Variants in NRP2 observed in about 807,000 individuals in gnomAD.
NRP2 encodes the protein neuropilin-2.
A neutral mutation model predicts 110.4 loss-of-function variants in NRP2; 52 were observed. The observed-to-expected ratio is 0.47, with a 90% CI of 0.38 to 0.59. The LOEUF is 0.59. Among genes scored for constraint, NRP2 ranks in the 20% least tolerant of loss-of-function variants. The pLI, the probability that NRP2 is intolerant of heterozygous loss-of-function variation, is 0.00. For missense variants in NRP2, 1,049 were observed against 1,203.0 expected, an observed-to-expected ratio of 0.87 and a Z score of 1.89; for synonymous variants, 508 against 468.9, an observed-to-expected ratio of 1.08 and a Z score of -1.08.
rs961354909 is a variant in NRP2, at chr2:205,740,678, C to G, written c.1291+15C>G. 3 of 1,613,792 alleles carry G rather than the reference C, an allele frequency of 1.9e-6. No individual in the cohort carries two copies. The highest frequency in any genetic ancestry group is 2.7e-5 in the African/African-American group (2 of 75,042). On this transcript the variant is annotated intron_variant, in intron 8 of 16. Transcript: ENST00000357785. Reference sequence around the variant, plus strand: ...CCGGGTCACAGGTGAGGTGGGGGCTCCAATGAGGTTGGGGTGCTGATTGAG... The same window carrying G: ...CCGGGTCACAGGTGAGGTGGGGGCTGCAATGAGGTTGGGGTGCTGATTGAG...
chr2:205,776,554 C>A, intron 15 of NRP2: 1 of 1,600,884 alleles, frequency 6.2e-7, no homozygotes, highest in Non-Finnish European at 8.5e-7. Context: ...GCACCCAAAA[C>A]AAACGAGAAA....
At chr2:205,699,901 G>A (rs1185828564) in intron 2 of NRP2, among the ~76,000 whole-genome samples, 1 of 152,102 alleles carries the variant, frequency 6.6e-6, no homozygotes, top group Non-Finnish European at 1.5e-5. Context: ...GCTCTGTTGG[G>A]ATTAAGCCTC....
intron 1 of NRP2, among the ~76,000 whole-genome samples, chr2:205,690,579 T>TACACACACACACAC (rs10591632): frequency 4.0e-5 from 5 of 124,184 alleles, no homozygotes; most frequent in African/African-American, 1.2e-4. Flanking sequence ...CTGCTAAAAA[T>TACACACACACACAC]ACACACACAC....
chr2:205,772,013 G>A (rs1383706758), intron 15 of NRP2, among the ~76,000 whole-genome samples: 1 of 152,230 alleles, frequency 6.6e-6, no homozygotes, highest in Non-Finnish European at 1.5e-5. Flanking sequence ...CCTGGTTCTA[G>A]CCGTGACTCT....
chr2:205,705,820 A>C (rs2056663265), intron 2 of NRP2, among the ~76,000 whole-genome samples: 1 of 152,042 alleles, frequency 6.6e-6, no homozygotes, highest in Non-Finnish European at 1.5e-5. Flanking sequence ...TGGAGCTGTC[A>C]TCTGCTGTCC....
intron 2 of NRP2, 66 bp downstream of exon 2, chr2:205,697,787 G>C (rs2105888985): frequency 6.7e-7 from 1 of 1,483,982 alleles, no homozygotes; most frequent in African/African-American, 1.4e-5. Context: ...CCCCACCCCT[G>C]CTCTTGTCAC....
chr2:205,775,882 TA>T (rs2058089124), intron 15 of NRP2, among the ~76,000 whole-genome samples: 1 of 152,176 alleles, frequency 6.6e-6, no homozygotes, highest in African/African-American at 2.4e-5. Flanking sequence ...AACACTTCCA[TA>T]TATTATAAAG....
intron 11 of NRP2, among the ~76,000 whole-genome samples, chr2:205,751,013 G>C (rs983781747): frequency 6.6e-6 from 1 of 152,104 alleles, no homozygotes; most frequent in African/African-American, 2.4e-5. Flanking sequence ...TGTTGGTCGG[G>C]GTTAGTTGAA....
In NRP2 at chr2:205,740,511, C is replaced by A; in HGVS notation, c.1147-8C>A. 6.2e-7 allele frequency: 1 copy of A among 1,614,156 alleles called. No individual in the cohort carries two copies. Among genetic ancestry groups the A allele is most frequent in the Non-Finnish European group, 8.5e-7 (1 of 1,179,994 alleles). On this transcript the variant is annotated splice_region_variant and splice_polypyrimidine_tract_variant and intron_variant, in intron 7 of 16. Transcript: ENST00000357785. ...TTCAATAACATGGTTTTGCATCTTA[C>A]GCTACAGGTATTTCAAGCCAACAAC...
chr2:205,684,294 C>G (rs1216587336), intron 1 of NRP2, among the ~76,000 whole-genome samples: 1 of 152,140 alleles, frequency 6.6e-6, no homozygotes, highest in African/African-American at 2.4e-5. Context: ...CTAGAGTGAG[C>G]CTCCCTACCC....
At chr2:205,704,359 G>A (rs1035859409) in intron 2 of NRP2, among the ~76,000 whole-genome samples, 2 of 152,192 alleles carry the variant, frequency 1.3e-5, no homozygotes, top group South Asian at 2.1e-4. Flanking sequence ...AGGAGAGGCC[G>A]TTGGCTTGAT....
chr2:205,749,732 G>A lies in NRP2; in HGVS notation c.1794G>A (p.Lys598=). 1 of 1,613,974 alleles carries A rather than the reference G, an allele frequency of 6.2e-7. No homozygotes were observed. Among genetic ancestry groups the A allele is most frequent in the Non-Finnish European group, 8.5e-7 (1 of 1,179,850 alleles). Residue 598 remains lysine, a synonymous_variant, in exon 11 of 17, where the codon AAG becomes AAA. Coordinates refer to ENST00000357785, the MANE Select transcript of NRP2 (RefSeq NM_003872.3). ...TCCTTTGCCCTTACACAGACTCCAAGCCCACGGTAGAGACGCTGGGACCCA... is the reference window on the plus strand; with the variant it reads ...TCCTTTGCCCTTACACAGACTCCAAACCCACGGTAGAGACGCTGGGACCCA... ...EVLGCDWTDS[K]PTVETLGPTV...
chr2:205,743,706 C>A lies in NRP2; in HGVS notation c.1641+154C>A, dbSNP rs1559342303. On this transcript the variant is annotated intron_variant, in intron 9 of 16. Transcript: ENST00000357785. ...ATATCGTTTGAGAGATTACTTTGTG[C>A]CAGGCACTGTGCTAAATACCTTATT... 11 of 1,405,784 alleles carry A rather than the reference C, an allele frequency of 7.8e-6. No homozygotes were observed. The South Asian group carries it at 1.3e-4, about 17-fold the overall frequency. 87.1% of individuals were successfully genotyped at this position (1,405,784 alleles called of 1,614,324 possible). A position where few individuals can be genotyped will look rare whatever the true frequency, so the allele number is the denominator to read the frequency against.
At chr2:205,777,385 A>C (rs72941299) in intron 15 of NRP2, 4,623 of 152,696 alleles carry the variant, frequency 0.03, 87 homozygotes, top group Middle Eastern at 0.068. Flanking sequence ...GCCCTAAAGC[A>C]AATCTGTCTC....
intron 2 of NRP2, among the ~76,000 whole-genome samples, chr2:205,706,211 G>C (rs62172961): frequency 6.6e-6 from 1 of 152,018 alleles, no homozygotes; most frequent in Non-Finnish European, 1.5e-5. Context: ...GAGAGAATTC[G>C]CCTGCCTTTA....
chr2:205,734,400 C>CA (rs1477089319), intron 7 of NRP2, among the ~76,000 whole-genome samples: 1 of 86,158 alleles, frequency 1.2e-5, no homozygotes, highest in South Asian at 3.0e-4. Context: ...TTTCCCACCG[C>CA]CCCCCCCCAC....
chr2:205,728,118 C>A lies in NRP2; in HGVS notation c.1146+72C>A, dbSNP rs140725119. ...GGGATGGGATCAGGGGAGCTTTAAG[C>A]CGACCTCCTACAGGAGAGAGGGCCT... On this transcript the variant is annotated intron_variant, in intron 7 of 16. Coordinates refer to ENST00000357785, the MANE Select transcript of NRP2 (RefSeq NM_003872.3). 1.2e-4 allele frequency: 181 copies of A among 1,563,782 alleles called. 1 individual carries two copies. In the East Asian group the frequency reaches 3.6e-3, roughly 31 times the overall value.
intron 15 of NRP2, among the ~76,000 whole-genome samples, chr2:205,774,011 T>C (rs189460210): frequency 5.5e-4 from 83 of 152,262 alleles, no homozygotes; most frequent in African/African-American, 1.9e-3. Context: ...TGGAGCCACA[T>C]GAAAATCAGA....
rs370170921 is a variant in NRP2 at position 205,766,676 on chromosome 2, C to G, written c.2405-107C>G. ...CTCTCCATGGAGTGGTACAAAAAAA[C>G]CGAGTGCAGTCATGTTTATCATCAT... On this transcript the variant is annotated intron_variant, in intron 14 of 16. Coordinates refer to ENST00000357785, the MANE Select transcript of NRP2 (RefSeq NM_003872.3). 764 of 1,041,134 alleles carry G rather than the reference C, an allele frequency of 7.3e-4. 7 individuals carry two copies. In the South Asian group the frequency reaches 9.4e-3, roughly 13 times the overall value. The allele number at this position is 1,041,134 out of a possible 1,614,324, so 64.5% of individuals were successfully genotyped here. A position where few individuals can be genotyped will look rare whatever the true frequency, so the allele number is the denominator to read the frequency against.
Sources: gnomAD v4.1 joint callset for allele counts (sites outside exome capture counted in the v4.1 genomes callset) on GRCh38, gnomAD v4.1.1 for gene constraint, MANE v1.5 for transcripts, NCBI Gene and HGNC (gene_info 2026-07-23, HGNC 2026-07-21) for gene names.